The following NLGN1 variants were observed in gnomAD, a reference collection of about 807,000 sequenced individuals.
The protein encoded by NLGN1 is neuroligin 1.
NLGN1 carries 12 observed loss-of-function variants against 65.5 expected under a neutral mutation model. That is an observed-to-expected ratio of 0.18 (90% CI 0.12 to 0.30). NLGN1 has a LOEUF of 0.30. Ranked by LOEUF, NLGN1 falls within the 10% of genes least tolerant of loss-of-function variation. NLGN1 has a pLI of 1.00. For missense variants in NLGN1, 750 were observed against 1,007.1 expected (o/e 0.74, Z 3.46); for synonymous variants, 350 against 359.5 (o/e 0.97, Z 0.30).
At chr3:173,599,082 C>T (rs1750010783) in intron 2 of NLGN1, among the ~76,000 whole-genome samples, 1 of 152,108 alleles carries the variant, frequency 6.6e-6, no homozygotes, top group Non-Finnish European at 1.5e-5. Context: ...TTAAATTTCC[C>T]TGGATTCATG....
intron 3 of NLGN1, among the ~76,000 whole-genome samples, chr3:173,786,363 T>A (rs868657013): frequency 1.3e-5 from 2 of 152,184 alleles, no homozygotes; most frequent in South Asian, 4.1e-4. Flanking sequence ...TTCTGTGATC[T>A]TGTTCTCATA....
chr3:173,466,973 A>G (rs1013746134), intron 2 of NLGN1, among the ~76,000 whole-genome samples: 20 of 152,134 alleles, frequency 1.3e-4, no homozygotes, highest in African/African-American at 3.6e-4. Context: ...TATTTTTATA[A>G]CACATATTTT....
intron 4 of NLGN1, among the ~76,000 whole-genome samples, chr3:174,125,957 T>C (rs1296058356): frequency 6.6e-6 from 1 of 152,128 alleles, no homozygotes; most frequent in Non-Finnish European, 1.5e-5. Flanking sequence ...GCAGACATCA[T>C]GCAAGACCTT....
chr3:174,053,956 A>G (rs1311075482), intron 4 of NLGN1, among the ~76,000 whole-genome samples: 1 of 152,020 alleles, frequency 6.6e-6, no homozygotes, highest in Non-Finnish European at 1.5e-5. Flanking sequence ...ATTTATGCCA[A>G]GCTTCTTGAA....
chr3:174,265,682 A>G (rs1359320968), intron 4 of NLGN1, among the ~76,000 whole-genome samples: 9 of 151,162 alleles, frequency 6.0e-5, no homozygotes. Flanking sequence ...AGCTGTTCCT[A>G]TCCGGCCATC....
At chr3:173,975,936 T>C (rs891479714) in intron 4 of NLGN1, among the ~76,000 whole-genome samples, 3 of 152,086 alleles carry the variant, frequency 2.0e-5, no homozygotes, top group African/African-American at 7.2e-5. Context: ...TTACCACTGC[T>C]GTACCTTCAG....
At chr3:173,557,298 G>A (rs1741874297) in intron 2 of NLGN1, among the ~76,000 whole-genome samples, 1 of 152,062 alleles carries the variant, frequency 6.6e-6, no homozygotes, top group Non-Finnish European at 1.5e-5. Context: ...ATTAGGGTTT[G>A]TATGGCACCT....
intron 3 of NLGN1, among the ~76,000 whole-genome samples, chr3:173,705,277 T>C (rs898284206): frequency 2.6e-5 from 4 of 152,154 alleles, no homozygotes; most frequent in African/African-American, 9.6e-5. Flanking sequence ...GAAATTTACT[T>C]ATGGGTAGTA....
intron 2 of NLGN1, among the ~76,000 whole-genome samples, chr3:173,594,773 T>G (rs1371246739): frequency 6.6e-6 from 1 of 152,226 alleles, no homozygotes; most frequent in Non-Finnish European, 1.5e-5. Flanking sequence ...TTCTGAAATC[T>G]AGGTGGAGGT....
At chr3:173,779,465 T>A (rs1780802445) in intron 3 of NLGN1, among the ~76,000 whole-genome samples, 1 of 116,316 alleles carries the variant, frequency 8.6e-6, no homozygotes, top group Non-Finnish European at 1.8e-5. Flanking sequence ...AAGTCATTTT[T>A]CTTAATGGTT....
intron 4 of NLGN1, among the ~76,000 whole-genome samples, chr3:173,852,122 C>G (rs1378882921): frequency 6.6e-6 from 1 of 151,092 alleles, no homozygotes; most frequent in African/African-American, 2.4e-5. Context: ...TTTGGGAGGC[C>G]GAGGCGGGCG....
chr3:173,931,942 G>A (rs946211021), intron 4 of NLGN1, among the ~76,000 whole-genome samples: 5 of 152,092 alleles, frequency 3.3e-5, no homozygotes, highest in African/African-American at 1.2e-4. Context: ...GTTTGGATGA[G>A]AGATGCGTCA....
At chr3:173,441,527 TG>T (rs1719201884) in intron 2 of NLGN1, among the ~76,000 whole-genome samples, 1 of 152,086 alleles carries the variant, frequency 6.6e-6, no homozygotes. Context: ...GTTGTGTCTC[TG>T]GTAATAGGGA....
chr3:174,092,373 C>A (rs557316814), intron 4 of NLGN1, among the ~76,000 whole-genome samples: 1 of 152,230 alleles, frequency 6.6e-6, no homozygotes, highest in South Asian at 2.1e-4. Flanking sequence ...GATTGGGAGT[C>A]ATTTTAACAA....
chr3:173,740,254 C>T (rs942389998), intron 3 of NLGN1, among the ~76,000 whole-genome samples: 11 of 151,924 alleles, frequency 7.2e-5, no homozygotes, highest in African/African-American at 2.4e-4. Context: ...ATATATGGAA[C>T]GAGACAGTTA....
rs567973684 is a variant in NLGN1, at chr3:173,594,023, C to T, written c.-320-10256C>T. Among the ~76,000 whole-genome samples the T allele has an allele frequency of 7.2e-5, 11 of 152,288 alleles. No individual in the cohort carries two copies. In the South Asian group the frequency reaches 2.1e-3, roughly 29 times the overall value. On this transcript the variant is annotated intron_variant, in intron 2 of 6. Transcript: ENST00000457714. ...ACAACACGTGGGAATTATGAGAGTACAATTCAGGATGAGAGTTGGGTGGGG... is the reference window on the plus strand; with the variant it reads ...ACAACACGTGGGAATTATGAGAGTATAATTCAGGATGAGAGTTGGGTGGGG...
chr3:174,099,865 A>G (rs1179031739), intron 4 of NLGN1, among the ~76,000 whole-genome samples: 1 of 152,156 alleles, frequency 6.6e-6, no homozygotes, highest in African/African-American at 2.4e-5. Flanking sequence ...TCAAGGCAAT[A>G]GAGTGTTTCT....
At chr3:173,855,532 G>A (rs1448115960) in intron 4 of NLGN1, among the ~76,000 whole-genome samples, 1 of 151,872 alleles carries the variant, frequency 6.6e-6, no homozygotes, top group Non-Finnish European at 1.5e-5. Flanking sequence ...TGCCTCTATG[G>A]CAACATAATG....
Position 174,056,803 on chromosome 3 carries a change from C to T in NLGN1, c.647-218512C>T, listed in dbSNP as rs548118263. 1.2e-3 allele frequency among the ~76,000 whole-genome samples: 179 copies of T among 152,080 alleles called. 1 individual carries two copies. The highest frequency in any genetic ancestry group is 3.9e-3 in the African/African-American group (161 of 41,520). On this transcript the variant is annotated intron_variant, in intron 4 of 6. Transcript: ENST00000457714. ...AATTGAGAAGCCTTGTCACTTATTACGGTAAACATGAACTCAATCAAATTA... is the reference window on the plus strand; with the variant it reads ...AATTGAGAAGCCTTGTCACTTATTATGGTAAACATGAACTCAATCAAATTA...
Sources: gnomAD v4.1 joint callset for allele counts (sites outside exome capture counted in the v4.1 genomes callset) on GRCh38, gnomAD v4.1.1 for gene constraint, MANE v1.5 for transcripts, NCBI Gene and HGNC (gene_info 2026-07-23, HGNC 2026-07-21) for gene names.